The following TMEM260 variants were observed in gnomAD, a reference collection of about 807,000 sequenced individuals.
The protein encoded by TMEM260 is protein O-mannosyl-transferase TMEM260.
Under a neutral mutation model 88.9 loss-of-function variants are expected in TMEM260, and 82 were observed. The observed-to-expected ratio is 0.92, with a 90% CI of 0.77 to 1.11. The LOEUF is 1.11. Ranked by LOEUF, TMEM260 falls within the 50% of genes least tolerant of loss-of-function variation. The probability of loss-of-function intolerance (pLI) is 0.00; values close to 1 mark genes in which losing one functional copy is unlikely to be tolerated. For synonymous variants in TMEM260, 314 were observed against 309.3 expected, an observed-to-expected ratio of 1.02 and a Z score of -0.16; for missense variants, 902 against 853.4, an observed-to-expected ratio of 1.06 and a Z score of -0.71.
At chr14:56,604,386 A>C (rs1455090696) in intron 4 of TMEM260, among the ~76,000 whole-genome samples, 2 of 152,204 alleles carry the variant, frequency 1.3e-5, no homozygotes, top group Non-Finnish European at 2.9e-5. Flanking sequence ...AAAAGGTCAA[A>C]TTTGTAATCT....
At chr14:56,599,319 T>TTTA (rs1886427583) in intron 3 of TMEM260, among the ~76,000 whole-genome samples, 1 of 152,150 alleles carries the variant, frequency 6.6e-6, no homozygotes, top group Admixed American at 6.6e-5. Flanking sequence ...AATATTTTAT[T>TTTA]TTATTATTAT....
chr14:56,633,051 A>G lies in TMEM260; in HGVS notation c.1604A>G (p.Asn535Ser). 1.2e-6 allele frequency: 2 copies of G among 1,613,962 alleles called. No homozygotes were observed. The highest frequency in any genetic ancestry group is 1.7e-6 in the Non-Finnish European group (2 of 1,179,962). The change falls in exon 13 of 16, where the codon AAC becomes AGC. Residue 535 changes from asparagine to serine, a missense_variant. Transcript: ENST00000261556. Reference protein sequence around the residue: ...IHEGDPTWKKNYSLWPWGSCD... With the variant: ...IHEGDPTWKKSYSLWPWGSCD... ...GAAGGCGACCCAACCTGGAAAAAGA[A>G]CTATTCACTTTGGCCATGGGGGTCT...
At chr14:56,657,313 C>CT in the TMEM260 span, among the ~76,000 whole-genome samples, 1 of 151,618 alleles carries the variant, frequency 6.6e-6, no homozygotes, top group Non-Finnish European at 1.5e-5. Context: ...TTTTTTTTTA[C>CT]TTTTTTAAAA....
intron 15 of TMEM260, 76 bp downstream of exon 15, chr14:56,636,674 G>A: frequency 1.6e-6 from 2 of 1,246,166 alleles, no homozygotes; most frequent in Non-Finnish European, 2.3e-6. Context: ...ATGGATAGAG[G>A]GTATATCACA....
chr14:56,660,280 G>T, the TMEM260 span, among the ~76,000 whole-genome samples: 1 of 152,218 alleles, frequency 6.6e-6, no homozygotes, highest in Non-Finnish European at 1.5e-5. Flanking sequence ...CGGAATAGGA[G>T]GTGTAGATTT....
chr14:56,625,823 A>C (rs1888212715), intron 12 of TMEM260, among the ~76,000 whole-genome samples: 2 of 152,230 alleles, frequency 1.3e-5, no homozygotes, highest in Non-Finnish European at 2.9e-5. Flanking sequence ...AAATCATTGC[A>C]GGTGGATGGC....
intron 15 of TMEM260, among the ~76,000 whole-genome samples, chr14:56,644,518 G>C (rs1164329342): frequency 3.9e-5 from 6 of 152,138 alleles, no homozygotes; most frequent in African/African-American, 1.4e-4. Flanking sequence ...ATGGATTAAA[G>C]ACTTACATGT....
chr14:56,636,479 T>TTAATGAAGGTTCCTATCC, intron 14 of TMEM260, 29 bp from the exon 15 acceptor site: 1 of 1,593,136 alleles, frequency 6.3e-7, no homozygotes, highest in South Asian at 1.1e-5. Flanking sequence ...CTGTATGATT[T>TTAATGAAGGTTCCTATCC]TAATGAAGGT....
downstream of TMEM260, among the ~76,000 whole-genome samples, chr14:56,651,910 A>C: frequency 6.6e-6 from 1 of 152,248 alleles, no homozygotes. Context: ...TTAAAATAAC[A>C]AACCATAATC....
At chr14:56,586,016 C>G in intron 3 of TMEM260, 104 bp downstream of exon 3, 1 of 1,166,374 alleles carries the variant, frequency 8.6e-7, no homozygotes, top group Non-Finnish European at 1.2e-6. Flanking sequence ...CTTGGTTTCC[C>G]TAACACATGT....
downstream of TMEM260, among the ~76,000 whole-genome samples, chr14:56,653,212 A>T (rs1368614451): frequency 6.6e-6 from 1 of 152,014 alleles, no homozygotes; most frequent in African/African-American, 2.4e-5. Flanking sequence ...CAAAAAAAAT[A>T]AAAAATAAAA....
downstream of TMEM260, chr14:56,650,184 A>G: frequency 4.6e-6 from 2 of 433,388 alleles, 1 homozygote; most frequent in South Asian, 3.3e-5. Context: ...GCGTTCTAGC[A>G]GTGTCCCGGG....
intron 3 of TMEM260, among the ~76,000 whole-genome samples, chr14:56,602,160 A>G (rs543836946): frequency 3.9e-4 from 59 of 152,304 alleles, no homozygotes; most frequent in South Asian, 8.3e-4. Flanking sequence ...TTCAAAAACA[A>G]TGGTAAAGTA....
chr14:56,585,220 G>A (rs1041033079), intron 2 of TMEM260, among the ~76,000 whole-genome samples, 188 bp downstream of exon 2: 1 of 152,016 alleles, frequency 6.6e-6, no homozygotes, highest in Non-Finnish European at 1.5e-5. Context: ...ATAAAGCAAA[G>A]CCTTTACTAT....
chr14:56,579,806 AGCCGCCGTG>A lies in TMEM260; in HGVS notation c.-101_-93del. 9.0e-7 allele frequency: 1 copy of A among 1,111,210 alleles called. No homozygotes were observed. Among genetic ancestry groups the A allele is most frequent in the South Asian group, 4.6e-5 (1 of 21,510 alleles). 68.8% of individuals were successfully genotyped at this position (1,111,210 alleles called of 1,614,324 possible). ...CCAACCCGCGGAGGCTCGACCCGGA[AGCCGCCGTG>A]GCCGCCGCACAAGCTGCGCTCGTCT... On this transcript the variant is annotated 5_prime_UTR_variant, in exon 1 of 16. Coordinates refer to ENST00000261556, the MANE Select transcript of TMEM260 (RefSeq NM_017799.4).
intron 3 of TMEM260, among the ~76,000 whole-genome samples, chr14:56,587,491 T>C (rs936579046): frequency 2.0e-5 from 3 of 151,996 alleles, no homozygotes; most frequent in Admixed American, 1.3e-4. Context: ...TTTTATTAAT[T>C]ATTATGATTA....
chr14:56,621,580 C>G lies in TMEM260; in HGVS notation c.1276C>G (p.Leu426Val). Residue 426 changes from leucine to valine, a missense_variant, in exon 11 of 16, where the codon CTT (leucine) becomes GTT (valine). Physicochemically the swap from Leu to Val is conservative, Grantham distance 32 (BLOSUM62 1). Coordinates refer to ENST00000261556, the MANE Select transcript of TMEM260 (RefSeq NM_017799.4). Reference protein sequence around the residue: ...NYVIDKFAKNLLTSMPHDAII... With the variant: ...NYVIDKFAKNVLTSMPHDAII... Reference sequence around the variant, plus strand: ...TGTGATTGATAAGTTCGCAAAGAACCTTCTCACCTCTATGCCTCATGATGC... The same window carrying G: ...TGTGATTGATAAGTTCGCAAAGAACGTTCTCACCTCTATGCCTCATGATGC... The G allele has an allele frequency of 6.2e-7, 1 of 1,612,356 alleles. No individual in the cohort carries two copies. Among genetic ancestry groups the G allele is most frequent in the South Asian group, 1.1e-5 (1 of 90,620 alleles).
rs776949306 is a variant in TMEM260 at position 56,621,603 on chromosome 14, T to G, written c.1299T>G (p.Asp433Glu). The G allele has an allele frequency of 1.5e-5, 25 of 1,613,824 alleles. No homozygotes were observed. In the South Asian group the frequency reaches 2.7e-4, roughly 18 times the overall value. The change falls in exon 11 of 16, where the codon GAT (aspartate) becomes GAG (glutamate). Residue 433 changes from aspartate (D) to glutamate (E), a missense_variant. Physicochemically the swap from Asp to Glu is conservative, Grantham distance 45 (BLOSUM62 2). Coordinates refer to ENST00000261556, the MANE Select transcript of TMEM260 (RefSeq NM_017799.4). ...AKNLLTSMPH[D>E]AIILLRGDLP... Reference sequence around the variant, plus strand: ...ACCTTCTCACCTCTATGCCTCATGATGCAATTATCTTACTCAGAGGAGATT... The same window carrying G: ...ACCTTCTCACCTCTATGCCTCATGAGGCAATTATCTTACTCAGAGGAGATT...
intron 5 of TMEM260, among the ~76,000 whole-genome samples, chr14:56,607,416 T>C (rs1177031182): frequency 6.6e-6 from 1 of 152,166 alleles, no homozygotes. Context: ...CAGAGAGTGA[T>C]GAAATTGTGA....
Sources: gnomAD v4.1 joint callset for allele counts (sites outside exome capture counted in the v4.1 genomes callset) on GRCh38, gnomAD v4.1.1 for gene constraint, MANE v1.5 for transcripts, NCBI Gene and HGNC (gene_info 2026-07-23, HGNC 2026-07-21) for gene names.